MDN1: variants seen among roughly 807,000 people sequenced by gnomAD.
MDN1 encodes the protein midasin.
A neutral mutation model predicts 669.2 loss-of-function variants in MDN1; 266 were observed. The ratio of observed to expected loss-of-function variants is 0.40; its 90% CI spans 0.36 to 0.44. The LOEUF (loss-of-function observed/expected upper bound fraction) is 0.44. Ranked by LOEUF, MDN1 falls within the 20% of genes least tolerant of loss-of-function variation. The probability of loss-of-function intolerance (pLI) is 1.00; values close to 1 mark genes in which losing one functional copy is unlikely to be tolerated. For synonymous variants in MDN1, 2,385 were observed against 2,457.1 expected, an observed-to-expected ratio of 0.97 and a Z score of 0.87; for missense variants, 5,940 against 6,754.0, an observed-to-expected ratio of 0.88 and a Z score of 4.22.
At chr6:89,646,633 A>T (rs1190756419) in intron 99 of MDN1, 30 bp from the exon 100 acceptor site, 4 of 1,588,526 alleles carry the variant, frequency 2.5e-6, no homozygotes, top group Admixed American at 3.3e-5. Flanking sequence ...AGACAATTAG[A>T]AAACTATGTG....
intron 1 of MDN1, among the ~76,000 whole-genome samples, chr6:89,806,751 TA>T (rs201468996): frequency 6.6e-6 from 1 of 150,910 alleles, no homozygotes; most frequent in African/African-American, 2.4e-5. Context: ...AAAGCTTAAT[TA>T]AAAAATTTTT....
intron 99 of MDN1, 31 bp downstream of exon 99, chr6:89,648,001 G>T: frequency 6.7e-7 from 1 of 1,503,182 alleles, no homozygotes; most frequent in Non-Finnish European, 9.3e-7. Context: ...AAAAATAACT[G>T]TGCAGAAGAC....
Position 89,644,032 on chromosome 6 carries a change from C to T in MDN1, c.16764G>A (p.Glu5588=). 1 of 1,612,974 alleles carries T rather than the reference C, an allele frequency of 6.2e-7. No homozygotes were observed. The highest frequency in any genetic ancestry group is 1.1e-5 in the South Asian group (1 of 90,854). The change falls in exon 102 of 102, where the codon GAG becomes GAA. Residue 5588 remains glutamate (E), a synonymous_variant. Coordinates refer to ENST00000369393, the MANE Select transcript of MDN1 (RefSeq NM_014611.3). ...ATGGGTGGTCAGAGGCTGTCACCAACTCAAACCACTGTCTGAGGGCATCGC... is the reference window on the plus strand; with the variant it reads ...ATGGGTGGTCAGAGGCTGTCACCAATTCAAACCACTGTCTGAGGGCATCGC... ...TLSDALRQWF[E]LVTASDHP is the part of the protein sequence containing the mutation.
At position 89,794,722 on chromosome 6, in the gene MDN1, G is replaced by A. The variant is rs761036243; in HGVS notation, c.409C>T (p.Arg137Cys). ...AGCTTCATCCTCCTACGTCCATAGCGTACTGGATTAGCATCTGAACTCTCT... is the reference window on the plus strand; with the variant it reads ...AGCTTCATCCTCCTACGTCCATAGCATACTGGATTAGCATCTGAACTCTCT... ...FLESSDANPVRYGRRRMKLRD... is the reference protein window; with the variant it reads ...FLESSDANPVCYGRRRMKLRD... The change falls in exon 3 of 102, where the codon CGC becomes TGC. Residue 137 changes from arginine to cysteine, a missense_variant. Around this residue, in one of 5 missense-constraint regions of MDN1, gnomAD observed 1,203 missense variants for 1,268.9 expected, o/e 0.95. Transcript: ENST00000369393. 1.5e-5 allele frequency: 25 copies of A among 1,614,044 alleles called. No individual in the cohort carries two copies. The highest frequency in any genetic ancestry group is 5.3e-5 in the African/African-American group (4 of 74,926).
At chr6:89,708,470 T>A in intron 51 of MDN1, 26 bp downstream of exon 51, 1 of 1,612,054 alleles carries the variant, frequency 6.2e-7, no homozygotes, top group Non-Finnish European at 8.5e-7. Context: ...AGGCAAACAG[T>A]GCCCAGAGCA....
In MDN1 at chr6:89,688,786, G is replaced by C. The variant is rs200579617; in HGVS notation, c.11046C>G (p.Leu3682=). Residue 3682 remains leucine (L), a synonymous_variant, in exon 66 of 102, where the codon CTC becomes CTG. Transcript: ENST00000369393. ...TACAGGCCAAAAGTTGGCTGCCCAA[G>C]AGTCGGTCATTCAGTTCAACTCCTG... The part of the protein sequence containing the change: ...PLMGVELNDR[L]LGSQLLACTL... The C allele has an allele frequency of 1.2e-6, 2 of 1,614,188 alleles. No individual in the cohort carries two copies.
Position 89,756,383 on chromosome 6 carries a change from C to A in MDN1, c.2710G>T (p.Glu904Ter), listed in dbSNP as rs772819066. Residue 904 changes from glutamate (E) to a stop codon, truncating the protein, a stop_gained, in exon 20 of 102, where the codon GAA (glutamate) becomes TAA (stop). Transcript: ENST00000369393. LOFTEE classifies it high-confidence loss of function. ...CTTTCTAATTCTTCTACATAAAGTT[C>A]TGTGAACCTGTAAAACAATACATAA... is the stretch of plus-strand genomic sequence containing the variant. ...LPPGIRNRFTELYVEELESKE... is the reference protein window; with the variant it reads ...LPPGIRNRFT The A allele has an allele frequency of 6.7e-7, 1 of 1,496,974 alleles. No homozygotes were observed. Among genetic ancestry groups the A allele is most frequent in the African/African-American group, 1.4e-5 (1 of 71,902 alleles). The allele number at this position is 1,496,974 out of a possible 1,614,324, so 92.7% of individuals were successfully genotyped here.
At chr6:89,646,701 A>C in intron 99 of MDN1, 98 bp from the exon 100 acceptor site, 1 of 1,035,752 alleles carries the variant, frequency 9.7e-7, no homozygotes, top group African/African-American at 1.6e-5. Flanking sequence ...AGTGATTATC[A>C]GATAACCACC....
chr6:89,688,228 C>T, intron 66 of MDN1, 55 bp from the exon 67 acceptor site: 1 of 1,498,852 alleles, frequency 6.7e-7, no homozygotes, highest in Non-Finnish European at 9.3e-7. Flanking sequence ...TCCTAAGTCA[C>T]AGGGTACTGA....
intron 15 of MDN1, among the ~76,000 whole-genome samples, chr6:89,765,125 G>A (rs901622576): frequency 2.6e-5 from 4 of 152,102 alleles, no homozygotes; most frequent in Non-Finnish European, 4.4e-5. Context: ...AGGCATAGTG[G>A]CGGGCGCCTA....
At chr6:89,683,988 C>CT in intron 71 of MDN1, 84 bp from the exon 72 acceptor site, 2 of 1,013,870 alleles carry the variant, frequency 2.0e-6, no homozygotes, top group Middle Eastern at 4.0e-4. Context: ...CAGCAAAGAC[C>CT]AGAGCTCACT....
intron 19 of MDN1, among the ~76,000 whole-genome samples, 197 bp downstream of exon 19, chr6:89,758,058 T>TAAA (rs1365335646): frequency 2.0e-5 from 3 of 147,780 alleles, no homozygotes; most frequent in Admixed American, 1.4e-4. Context: ...AGAAAAAAAA[T>TAAA]AAAAAAATAG....
Position 89,650,851 on chromosome 6 carries a change from T to C in MDN1, c.15916-4A>G. 1 of 1,612,464 alleles carries C rather than the reference T, an allele frequency of 6.2e-7. No individual in the cohort carries two copies. The highest frequency in any genetic ancestry group is 8.5e-7 in the Non-Finnish European group (1 of 1,178,596). On this transcript the variant is annotated splice_polypyrimidine_tract_variant and splice_region_variant and intron_variant, in intron 95 of 101. Transcript: ENST00000369393. The stretch of plus-strand genomic sequence containing the variant: ...ACATCTCAGCTGCAACCTTCTCCTG[T>C]GACAACAACAAAATGTAAGTTACCC...
chr6:89,692,930 C>A lies in MDN1; in HGVS notation c.10100G>T (p.Ser3367Ile). The A allele has an allele frequency of 6.2e-7, 1 of 1,614,164 alleles. No homozygotes were observed. Among genetic ancestry groups the A allele is most frequent in the Non-Finnish European group, 8.5e-7 (1 of 1,180,004 alleles). ...CCAAGAGGCCTCCTCCTTTAGAAGG[C>A]TCTGGGCTACTTGGGCAGACCGTGG... is the stretch of plus-strand genomic sequence containing the variant. Reference protein sequence around the residue: ...DGPRSAQVAQSLLKEEASWQQ... With the variant: ...DGPRSAQVAQILLKEEASWQQ... Residue 3367 changes from serine to isoleucine, a missense_variant, in exon 63 of 102, where the codon AGC (serine) becomes ATC (isoleucine). Physicochemically the swap from Ser to Ile is moderately radical, Grantham distance 142 (BLOSUM62 -2). Around this residue, in one of 5 missense-constraint regions of MDN1, gnomAD observed 150 missense variants for 234.2 expected, o/e 0.64. Coordinates refer to ENST00000369393, the MANE Select transcript of MDN1 (RefSeq NM_014611.3).
intron 101 of MDN1, 77 bp downstream of exon 101, chr6:89,644,938 G>T: frequency 6.9e-7 from 1 of 1,444,646 alleles, no homozygotes; most frequent in African/African-American, 1.4e-5. Context: ...AGTGATCCAG[G>T]CCATATTTCA....
In MDN1 at chr6:89,761,708, T is replaced by G. The variant is rs749618149; in HGVS notation, c.2397A>C (p.Arg799Ser). 6.2e-7 allele frequency: 1 copy of G among 1,612,234 alleles called. No individual in the cohort carries two copies. Among genetic ancestry groups the G allele is most frequent in the East Asian group, 2.2e-5 (1 of 44,754 alleles). The change falls in exon 17 of 102, where the codon AGA becomes AGC. Residue 799 changes from arginine to serine, a missense_variant. Physicochemically the swap from Arg to Ser is moderately radical, Grantham distance 110. This residue lies in a region of MDN1 where 1,203 missense variants were observed against 1,268.9 expected (regional missense o/e 0.95). Coordinates refer to ENST00000369393, the MANE Select transcript of MDN1 (RefSeq NM_014611.3). ...IKEKWEAFGL[R>S]LNHAQQQMKM... ...TCATCTGTTGTTGGGCATGGTTGAG[T>G]CTAAGACCAAATGCTTCCCATTTCT... is the stretch of plus-strand genomic sequence containing the variant.
intron 1 of MDN1, chr6:89,815,039 A>C: frequency 1.9e-6 from 1 of 515,344 alleles, no homozygotes. Flanking sequence ...AGGAGGAGGA[A>C]GAAAGGGGTA....
intron 53 of MDN1, among the ~76,000 whole-genome samples, chr6:89,705,564 A>G (rs1813457610): frequency 6.6e-6 from 1 of 152,202 alleles, no homozygotes; most frequent in African/African-American, 2.4e-5. Context: ...TCAGCAATAA[A>G]GAGGAATGAA....
At chr6:89,687,300 G>A (rs766992742) in intron 68 of MDN1, 44 bp downstream of exon 68, 7 of 1,532,786 alleles carry the variant, frequency 4.6e-6, no homozygotes, top group Non-Finnish European at 5.4e-6. Flanking sequence ...AAAGACAAAA[G>A]CCCTTACAAC....
Sources: allele counts gnomAD v4.1 joint callset (sites outside exome capture counted in the v4.1 genomes callset), GRCh38; gene constraint gnomAD v4.1.1; regional missense constraint gnomAD v4.1.1; transcripts MANE v1.5; gene names NCBI Gene and HGNC (gene_info 2026-07-23, HGNC 2026-07-21).